Variants in STAU2 observed in about 807,000 individuals in gnomAD.
STAU2 encodes double-stranded RNA-binding protein Staufen homolog 2.
A neutral mutation model predicts 65.9 loss-of-function variants in STAU2; 20 were observed. The ratio of observed to expected loss-of-function variants is 0.30; its 90% CI spans 0.21 to 0.44. The LOEUF is 0.44. Among genes scored for constraint, STAU2 ranks in the 20% least tolerant of loss-of-function variants. STAU2 has a pLI of 1.00. For missense variants in STAU2, 558 were observed against 683.9 expected (o/e 0.82, Z 2.05); for synonymous variants, 232 against 233.9 (o/e 0.99, Z 0.07).
At chr8:73,658,775 T>C (rs1816582969) in intron 6 of STAU2, among the ~76,000 whole-genome samples, 1 of 151,946 alleles carries the variant, frequency 6.6e-6, no homozygotes, top group Admixed American at 6.6e-5. Context: ...TAGCTGGGCA[T>C]GGTGGCACGT....
At chr8:73,673,768 A>G (rs1182214633) in intron 5 of STAU2, among the ~76,000 whole-genome samples, 1 of 152,138 alleles carries the variant, frequency 6.6e-6, no homozygotes, top group Admixed American at 6.5e-5. Flanking sequence ...CCTGAAACTA[A>G]AATGTCATCG....
intron 13 of STAU2, among the ~76,000 whole-genome samples, chr8:73,495,615 C>A (rs941923805): frequency 6.8e-6 from 1 of 145,994 alleles, no homozygotes; most frequent in African/African-American, 2.6e-5. Flanking sequence ...ACTATATGGT[C>A]CCTTACTTAA....
intron 9 of STAU2, among the ~76,000 whole-genome samples, chr8:73,608,690 G>C (rs1186535680): frequency 6.6e-6 from 1 of 151,616 alleles, no homozygotes; most frequent in Non-Finnish European, 1.5e-5. Flanking sequence ...TAGGACGTAA[G>C]GGGTAAGAGA....
intron 13 of STAU2, among the ~76,000 whole-genome samples, chr8:73,447,976 G>C (rs372861500): frequency 7.2e-5 from 11 of 152,188 alleles, no homozygotes; most frequent in East Asian, 5.8e-4. Flanking sequence ...TCCATCGATG[G>C]GATTTTTAGC....
In STAU2 at chr8:73,550,708, T is replaced by C. The variant is rs1225254608; in HGVS notation, c.1530+1304A>G. Reference sequence around the variant, plus strand: ...AAAACAACAAAAACAAATTCTAAAATTGTAACTTTAAATTAAGTGGTTAAA... The same window carrying C: ...AAAACAACAAAAACAAATTCTAAAACTGTAACTTTAAATTAAGTGGTTAAA... On this transcript the variant is annotated intron_variant, in intron 13 of 14. Coordinates refer to ENST00000524300, the MANE Select transcript of STAU2 (RefSeq NM_001164380.2). The C allele has an allele frequency of 4.1e-6, 4 of 987,294 alleles. No homozygotes were observed. In the Admixed American group the frequency reaches 1.8e-4, roughly 46 times the overall value. 61.2% of individuals were successfully genotyped at this position (987,294 alleles called of 1,614,324 possible).
At chr8:73,434,329 CTGA>C (rs1817541713) in intron 13 of STAU2, among the ~76,000 whole-genome samples, 1 of 151,726 alleles carries the variant, frequency 6.6e-6, no homozygotes, top group South Asian at 2.1e-4. Flanking sequence ...GTGCTGACTC[CTGA>C]TTTTAGCCCA....
At chr8:73,458,349 T>C (rs890120782) in intron 13 of STAU2, among the ~76,000 whole-genome samples, 5 of 152,242 alleles carry the variant, frequency 3.3e-5, no homozygotes, top group Non-Finnish European at 7.3e-5. Context: ...GGAATCGTAC[T>C]CTTATTCCTT....
chr8:73,468,282 T>G (rs1232483092), intron 13 of STAU2, among the ~76,000 whole-genome samples: 1 of 152,208 alleles, frequency 6.6e-6, no homozygotes, highest in Non-Finnish European at 1.5e-5. Context: ...GATCCCTTCC[T>G]TACACCTTAT....
chr8:73,730,668 G>A (rs925557451), intron 3 of STAU2, among the ~76,000 whole-genome samples: 3 of 150,224 alleles, frequency 2.0e-5, no homozygotes, highest in Non-Finnish European at 4.4e-5. Context: ...CAGAGGTTGC[G>A]GTGAGCCAAG....
chr8:73,654,315 T>C (rs1245008410), intron 6 of STAU2, among the ~76,000 whole-genome samples: 1 of 152,098 alleles, frequency 6.6e-6, no homozygotes, highest in Non-Finnish European at 1.5e-5. Context: ...TTGGTATAAC[T>C]GAGCCCAAAA....
intron 4 of STAU2, among the ~76,000 whole-genome samples, chr8:73,701,656 A>G (rs1442714217): frequency 6.6e-6 from 1 of 152,172 alleles, no homozygotes; most frequent in Non-Finnish European, 1.5e-5. Flanking sequence ...TACAACCACT[A>G]TGGAGAACAG....
At chr8:73,544,073 T>C (rs1443719346) in intron 13 of STAU2, among the ~76,000 whole-genome samples, 2 of 152,210 alleles carry the variant, frequency 1.3e-5, no homozygotes, top group African/African-American at 2.4e-5. Flanking sequence ...ACACTCATAC[T>C]ATCTCACTTA....
intron 6 of STAU2, among the ~76,000 whole-genome samples, chr8:73,629,176 C>T (rs1406450632): frequency 6.6e-6 from 1 of 152,018 alleles, no homozygotes; most frequent in African/African-American, 2.4e-5. Context: ...TGGCATTTTC[C>T]CAGCTAATTG....
At chr8:73,492,600 C>A (rs1259743809) in intron 13 of STAU2, among the ~76,000 whole-genome samples, 3 of 151,824 alleles carry the variant, frequency 2.0e-5, no homozygotes, top group Non-Finnish European at 4.4e-5. Flanking sequence ...GGACCCAATT[C>A]CTAAGAATTC....
intron 3 of STAU2, among the ~76,000 whole-genome samples, chr8:73,737,949 A>G (rs1806562453): frequency 6.6e-6 from 1 of 152,106 alleles, no homozygotes; most frequent in South Asian, 2.1e-4. Flanking sequence ...TGTCACTAAA[A>G]ATGCTTTGAG....
At chr8:73,727,888 G>C (rs7007888) in intron 3 of STAU2, 1 of 152,148 alleles carries the variant, frequency 6.6e-6, no homozygotes, top group Non-Finnish European at 1.5e-5. Flanking sequence ...GTTACTGCCC[G>C]TCTTTTGATT....
intron 3 of STAU2, among the ~76,000 whole-genome samples, chr8:73,713,180 A>T (rs1821015524): frequency 6.6e-6 from 1 of 152,236 alleles, no homozygotes; most frequent in African/African-American, 2.4e-5. Flanking sequence ...TATTTATAAT[A>T]ACAGTATTTG....
intron 6 of STAU2, among the ~76,000 whole-genome samples, chr8:73,661,693 T>G (rs1207544200): frequency 6.6e-6 from 1 of 152,220 alleles, no homozygotes; most frequent in African/African-American, 2.4e-5. Context: ...AATCTTACAG[T>G]ACCTACACTA....
chr8:73,567,858 AG>A (rs1808735442), intron 12 of STAU2, among the ~76,000 whole-genome samples: 2 of 149,594 alleles, frequency 1.3e-5, no homozygotes, highest in South Asian at 2.2e-4. Flanking sequence ...GCTGGGGGGG[AG>A]GGGGGAGTTG....
Sources: allele counts gnomAD v4.1 joint callset (sites outside exome capture counted in the v4.1 genomes callset), GRCh38; gene constraint gnomAD v4.1.1; transcripts MANE v1.5; gene names NCBI Gene and HGNC (gene_info 2026-07-23, HGNC 2026-07-21).